The following HVCN1 variants were observed in gnomAD, a reference collection of about 807,000 sequenced individuals.
HVCN1 encodes the protein voltage-gated hydrogen channel 1.
Under a neutral mutation model 29.2 loss-of-function variants are expected in HVCN1, and 14 were observed. That is an observed-to-expected ratio of 0.48 (90% confidence interval 0.32 to 0.75). The LOEUF is 0.75. Among genes scored for constraint, HVCN1 ranks in the 30% least tolerant of loss-of-function variants. The pLI is 0.04. For synonymous variants in HVCN1, 131 were observed against 133.2 expected (o/e 0.98, Z 0.11); for missense variants, 263 against 341.8 (o/e 0.77, Z 1.82).
chr12:110,698,412 G>A (rs1006853469), intron 2 of HVCN1, among the ~76,000 whole-genome samples: 6 of 152,182 alleles, frequency 3.9e-5, no homozygotes, highest in Non-Finnish European at 7.3e-5. Context: ...CAAGGGTTTA[G>A]CAGCATCTCC....
At chr12:110,692,960 G>C (rs2069434638), upstream of HVCN1, among the ~76,000 whole-genome samples, 1 of 152,106 alleles carries the variant, frequency 6.6e-6, no homozygotes, top group African/African-American at 2.4e-5. Context: ...CAAACTCCCA[G>C]GCTCAAGTGA....
chr12:110,690,004 T>C (rs538279924), upstream of HVCN1, among the ~76,000 whole-genome samples: 184 of 152,350 alleles, frequency 1.2e-3, no homozygotes, highest in Middle Eastern at 3.4e-3. Context: ...CATGCCGCTG[T>C]TAACAGATCA....
chr12:110,677,809 G>A (rs2068797116), intron 3 of HVCN1, among the ~76,000 whole-genome samples: 1 of 152,134 alleles, frequency 6.6e-6, no homozygotes, highest in Non-Finnish European at 1.5e-5. Context: ...TCTGGCAGGA[G>A]GAGCTGCTTA....
intron 3 of HVCN1, among the ~76,000 whole-genome samples, chr12:110,666,464 TAAAGAC>T (rs2068362375): frequency 6.6e-6 from 1 of 151,254 alleles, no homozygotes; most frequent in African/African-American, 2.4e-5. Context: ...TCAATGAACT[TAAAGAC>T]AGGGCAATAA....
chr12:110,685,614 T>C (rs1003705959), intron 2 of HVCN1, among the ~76,000 whole-genome samples: 2 of 152,156 alleles, frequency 1.3e-5, no homozygotes, highest in Non-Finnish European at 2.9e-5. Flanking sequence ...TGATGGACAT[T>C]TACGGTTGTT....
At chr12:110,690,753 C>T (rs1390464241), upstream of HVCN1, among the ~76,000 whole-genome samples, 1 of 151,842 alleles carries the variant, frequency 6.6e-6, no homozygotes, top group Non-Finnish European at 1.5e-5. Flanking sequence ...GCTGGGATTA[C>T]AGGTGTGAGC....
intron 5 of HVCN1, among the ~76,000 whole-genome samples, chr12:110,654,840 C>T (rs1317601776): frequency 1.3e-5 from 2 of 152,120 alleles, no homozygotes; most frequent in African/African-American, 4.8e-5. Context: ...ATGTCCACCA[C>T]CCTTTGGGTG....
At chr12:110,666,550 T>C (rs2068368482) in intron 3 of HVCN1, among the ~76,000 whole-genome samples, 1 of 152,052 alleles carries the variant, frequency 6.6e-6, no homozygotes, top group Non-Finnish European at 1.5e-5. Flanking sequence ...CCAGGGACCA[T>C]ATCTACTAGT....
At chr12:110,679,685 C>T (rs1401034891) in intron 3 of HVCN1, among the ~76,000 whole-genome samples, 2 of 152,024 alleles carry the variant, frequency 1.3e-5, no homozygotes, top group African/African-American at 4.8e-5. Flanking sequence ...AACCCCATCT[C>T]TACTAAAAAT....
intron 3 of HVCN1, among the ~76,000 whole-genome samples, chr12:110,671,530 G>A (rs551810032): frequency 1.3e-5 from 2 of 152,292 alleles, no homozygotes; most frequent in South Asian, 4.1e-4. Flanking sequence ...GAACTGGTGA[G>A]AATGAGTTCC....
chr12:110,675,429 G>A (rs754823488), intron 3 of HVCN1, among the ~76,000 whole-genome samples: 16 of 151,792 alleles, frequency 1.1e-4, no homozygotes, highest in South Asian at 2.1e-4. Context: ...ACTGCACTCC[G>A]ACCTGGGTGA....
Position 110,655,274 on chromosome 12 carries a change from A to C in HVCN1, c.371T>G (p.Leu124Arg), listed in dbSNP as rs2067951866. ...ATTCTTGTCGGGCTGGATGATCTTC[A>C]GGTCCAGGATGAGCTCAGCAAGCAC... ...LLVLAELILD[L>R]KIIQPDKNNY... Residue 124 changes from leucine to arginine, a missense_variant, in exon 5 of 8, where the codon CTG (leucine) becomes CGG (arginine). Coordinates refer to ENST00000242607, the MANE Select transcript of HVCN1 (RefSeq NM_032369.4). 1 of 1,613,732 alleles carries C rather than the reference A, an allele frequency of 6.2e-7. No individual in the cohort carries two copies. The highest frequency in any genetic ancestry group is 1.7e-5 in the Admixed American group (1 of 59,974).
intron 3 of HVCN1, among the ~76,000 whole-genome samples, chr12:110,674,647 A>G (rs571643338): frequency 3.9e-5 from 6 of 152,326 alleles, no homozygotes; most frequent in Admixed American, 3.3e-4. Context: ...AAGTCTCACA[A>G]GATCTGATGG....
At chr12:110,698,037 G>T (rs1167243574) in intron 2 of HVCN1, among the ~76,000 whole-genome samples, 2 of 152,200 alleles carry the variant, frequency 1.3e-5, no homozygotes, top group Non-Finnish European at 2.9e-5. Context: ...GGCAGAGCTA[G>T]AACATGAACC....
At chr12:110,675,214 T>A (rs112147685) in intron 3 of HVCN1, among the ~76,000 whole-genome samples, 4,941 of 152,328 alleles carry the variant, frequency 0.032, 143 homozygotes, top group African/African-American at 0.082. Flanking sequence ...ATCCCAGCGC[T>A]TTGGGAGGCC....
At chr12:110,697,562 A>G (rs993290736) in intron 2 of HVCN1, among the ~76,000 whole-genome samples, 1 of 152,046 alleles carries the variant, frequency 6.6e-6, no homozygotes, top group Admixed American at 6.6e-5. Flanking sequence ...CCCACACTGG[A>G]GTCCCCCCAA....
intron 4 of HVCN1, among the ~76,000 whole-genome samples, chr12:110,656,122 G>A (rs2067983491): frequency 6.6e-6 from 1 of 152,236 alleles, no homozygotes; most frequent in African/African-American, 2.4e-5. Flanking sequence ...AAGGGACCTT[G>A]GGGACTGCTG....
At chr12:110,675,789 A>C (rs1413717619) in intron 3 of HVCN1, among the ~76,000 whole-genome samples, 1 of 151,074 alleles carries the variant, frequency 6.6e-6, no homozygotes, top group Non-Finnish European at 1.5e-5. Context: ...CATGCCTATA[A>C]TCCCAGCTAC....
chr12:110,695,891 G>A (rs751151139), intron 2 of HVCN1, among the ~76,000 whole-genome samples: 2 of 152,180 alleles, frequency 1.3e-5, no homozygotes, highest in Non-Finnish European at 2.9e-5. Flanking sequence ...CACAGAAGGG[G>A]CTGGAGTCCA....
Sources: gnomAD v4.1 joint callset for allele counts (sites outside exome capture counted in the v4.1 genomes callset) on GRCh38, gnomAD v4.1.1 for gene constraint, MANE v1.5 for transcripts, NCBI Gene and HGNC (gene_info 2026-07-23, HGNC 2026-07-21) for gene names.